Variants in HSD17B4 observed in about 807,000 individuals in gnomAD.
The protein encoded by HSD17B4 is peroxisomal multifunctional enzyme type 2.
In HSD17B4, 70 loss-of-function variants were observed where a neutral mutation model predicts 101.0. That is an observed-to-expected ratio of 0.69 (90% CI 0.57 to 0.85). The LOEUF is 0.85. HSD17B4 is among the 40% of genes least tolerant of loss of function. The pLI is 0.00. For synonymous variants in HSD17B4, 347 were observed against 297.1 expected, an observed-to-expected ratio of 1.17 and a Z score of -1.73; for missense variants, 984 against 892.4, an observed-to-expected ratio of 1.10 and a Z score of -1.31.
rs771922933 is a variant in HSD17B4 at position 119,506,873 on chromosome 5, A to G, written c.1317A>G (p.Val439=). The stretch of plus-strand genomic sequence containing the variant: ...ATGTCCTAGATAAAGGATCCGGTGT[A>G]GTGATTATTATGGATGGTAATTTAT... ...VADVLDKGSG[V]VIIMDVYSYS... is the part of the protein sequence containing the mutation. Residue 439 remains valine (V), a synonymous_variant, in exon 15 of 24, where the codon GTA becomes GTG. Coordinates refer to ENST00000510025, the MANE Select transcript of HSD17B4 (RefSeq NM_000414.4). The G allele has an allele frequency of 4.3e-5, 66 of 1,551,066 alleles. No homozygotes were observed. Among genetic ancestry groups the G allele is most frequent in the Admixed American group, 3.5e-4 (21 of 59,862 alleles).
chr5:119,477,534 A>G, intron 7 of HSD17B4, 33 bp downstream of exon 7: 1 of 1,438,500 alleles, frequency 7.0e-7, no homozygotes, highest in Non-Finnish European at 9.8e-7. Flanking sequence ...AGGGGGATTT[A>G]AGATGTTGTG....
At chr5:119,514,358 A>G (rs1752429110) in intron 16 of HSD17B4, among the ~76,000 whole-genome samples, 1 of 152,236 alleles carries the variant, frequency 6.6e-6, no homozygotes, top group Non-Finnish European at 1.5e-5. Context: ...AAATTATTCT[A>G]TAATAAAATT....
At chr5:119,492,211 C>T in intron 10 of HSD17B4, 87 bp downstream of exon 10, 3 of 956,996 alleles carry the variant, frequency 3.1e-6, no homozygotes, top group Non-Finnish European at 5.2e-6. Flanking sequence ...AGATTTTTGT[C>T]AAATGCCTAA....
At chr5:119,464,567 A>G (rs1003489535) in intron 2 of HSD17B4, 1 of 151,008 alleles carries the variant, frequency 6.6e-6, no homozygotes, top group African/African-American at 2.4e-5. Flanking sequence ...TTATGTCACT[A>G]CCATTGCTGT....
At chr5:119,538,559 C>T (rs905285905) in intron 23 of HSD17B4, among the ~76,000 whole-genome samples, 2 of 152,188 alleles carry the variant, frequency 1.3e-5, no homozygotes, top group African/African-American at 2.4e-5. Flanking sequence ...TCCTTTTGCA[C>T]GTGTATAAAA....
chr5:119,541,625 G>C (rs1219167740), intron 23 of HSD17B4, among the ~76,000 whole-genome samples: 1 of 152,080 alleles, frequency 6.6e-6, no homozygotes, highest in Non-Finnish European at 1.5e-5. Context: ...ATAAAGTAAA[G>C]CCAGAAACGT....
intron 16 of HSD17B4, among the ~76,000 whole-genome samples, chr5:119,513,630 C>T (rs930831392): frequency 2.0e-5 from 3 of 152,192 alleles, no homozygotes; most frequent in African/African-American, 7.2e-5. Context: ...GTGTCCCATC[C>T]ACCTCGTGCT....
Position 119,496,631 on chromosome 5 carries a change from A to G in HSD17B4, c.957A>G (p.Thr319=), listed in dbSNP as rs748258737. The G allele has an allele frequency of 5.7e-6, 9 of 1,587,574 alleles. No individual in the cohort carries two copies. In the African/African-American group the frequency reaches 9.4e-5, roughly 17 times the overall value. ...ATCATACTAGTCGTGCAACGTCTAC[A>G]GCAACATCAGGATTTGTAAGTGGGA... ...SANHTSRATS[T]ATSGFAGAIG... Residue 319 remains threonine, a synonymous_variant, in exon 12 of 24, where the codon ACA becomes ACG. Transcript: ENST00000510025.
At chr5:119,524,560 G>C (rs1391328926) in intron 17 of HSD17B4, among the ~76,000 whole-genome samples, 1 of 152,072 alleles carries the variant, frequency 6.6e-6, no homozygotes, top group Non-Finnish European at 1.5e-5. Context: ...TTCTAACTTG[G>C]AAGAATGTAC....
chr5:119,456,083 A>G (rs1483220748), intron 1 of HSD17B4, among the ~76,000 whole-genome samples: 2 of 152,166 alleles, frequency 1.3e-5, no homozygotes, highest in Non-Finnish European at 2.9e-5. Flanking sequence ...AGCTAAGTAG[A>G]ATGGTAGGAA....
chr5:119,541,386 C>T (rs17388769), intron 23 of HSD17B4, among the ~76,000 whole-genome samples: 14,523 of 152,228 alleles, frequency 0.095, 945 homozygotes, highest in Middle Eastern at 0.16. Context: ...TTTTCTCAAG[C>T]TCACCTTGCT....
rs1754157239 is a variant in HSD17B4, at chr5:119,452,603, C to A, written c.28C>A (p.Arg10=). MGSPLRFDG[R]VVLVTGAGAG... The stretch of plus-strand genomic sequence containing the variant: ...GGGCTCACCGCTGAGGTTCGACGGG[C>A]GGGTGGTACTGGTCACCGGCGCGGG... The change falls in exon 1 of 24, where the codon CGG becomes AGG. Residue 10 remains arginine, a synonymous_variant. Coordinates refer to ENST00000510025, the MANE Select transcript of HSD17B4 (RefSeq NM_000414.4). 1 of 1,613,950 alleles carries A rather than the reference C, an allele frequency of 6.2e-7. No individual in the cohort carries two copies. The highest frequency in any genetic ancestry group is 2.2e-5 in the East Asian group (1 of 44,848).
intron 17 of HSD17B4, among the ~76,000 whole-genome samples, 192 bp downstream of exon 17, chr5:119,515,238 C>T (rs970074370): frequency 3.3e-5 from 5 of 151,736 alleles, no homozygotes; most frequent in African/African-American, 1.2e-4. Flanking sequence ...TTAATGTTTT[C>T]CCACTAGATA....
rs1477903762 is a variant in HSD17B4 at position 119,452,904 on chromosome 5, T to G, written c.58+271T>G. The G allele has an allele frequency of 2.7e-6, 4 of 1,490,386 alleles. No individual in the cohort carries two copies. In the African/African-American group the frequency reaches 5.5e-5, roughly 21 times the overall value. 92.3% of individuals were successfully genotyped at this position (1,490,386 alleles called of 1,614,324 possible). A position where few individuals can be genotyped will look rare whatever the true frequency, so the allele number is the denominator to read the frequency against. On this transcript the variant is annotated intron_variant, in intron 1 of 23. Transcript: ENST00000510025. ...GGAGAGGCCAGGCTGGGCTGCTGAT[T>G]GCAAAACTGGGTGAAAGTTCTCCCT...
intron 16 of HSD17B4, among the ~76,000 whole-genome samples, chr5:119,512,328 A>G (rs1752249273): frequency 6.6e-6 from 1 of 152,204 alleles, no homozygotes; most frequent in African/African-American, 2.4e-5. Flanking sequence ...AAAACATTAT[A>G]CATCCAAGAA....
At chr5:119,484,956 T>C (rs1465524217) in intron 8 of HSD17B4, among the ~76,000 whole-genome samples, 2 of 152,294 alleles carry the variant, frequency 1.3e-5, no homozygotes, top group African/African-American at 2.4e-5. Flanking sequence ...GTGAAAGATA[T>C]ATAATTTATT....
At chr5:119,455,309 G>T (rs55700001) in intron 1 of HSD17B4, among the ~76,000 whole-genome samples, 1 of 152,104 alleles carries the variant, frequency 6.6e-6, no homozygotes. Flanking sequence ...ACGAGGTCAA[G>T]AGATCGAGAC....
In HSD17B4 at chr5:119,514,961, A is replaced by G. The variant is rs1752481862; in HGVS notation, c.1438-20A>G. On this transcript the variant is annotated intron_variant, in intron 16 of 23. Transcript: ENST00000510025. ...TGATAATTTGTATTTAAGATTTAAC[A>G]TGTAATGTCTTAATTTTAGGTAGCT... 1 of 1,348,210 alleles carries G rather than the reference A, an allele frequency of 7.4e-7. No individual in the cohort carries two copies. The highest frequency in any genetic ancestry group is 1.4e-5 in the African/African-American group (1 of 69,800). The allele number at this position is 1,348,210 out of a possible 1,614,324, so 83.5% of individuals were successfully genotyped here.
At chr5:119,505,490 T>C (rs1751560962) in intron 14 of HSD17B4, among the ~76,000 whole-genome samples, 1 of 152,218 alleles carries the variant, frequency 6.6e-6, no homozygotes, top group Non-Finnish European at 1.5e-5. Flanking sequence ...CTAGATATTT[T>C]ATTTTTTTGT....
Sources: gnomAD v4.1 joint callset for allele counts (sites outside exome capture counted in the v4.1 genomes callset) on GRCh38, gnomAD v4.1.1 for gene constraint, MANE v1.5 for transcripts, NCBI Gene and HGNC (gene_info 2026-07-23, HGNC 2026-07-21) for gene names.